The following BHLHE40 variants were observed in gnomAD, a reference collection of about 807,000 sequenced individuals.
The protein encoded by BHLHE40 is class E basic helix-loop-helix protein 40.
In BHLHE40, 3 loss-of-function variants were observed where a neutral mutation model predicts 35.7. That is an observed-to-expected ratio of 0.08 (90% CI 0.04 to 0.22). The LOEUF (loss-of-function observed/expected upper bound fraction) is 0.22, where lower values mean the gene tolerates loss of function less well. Ranked by LOEUF, BHLHE40 falls within the 10% of genes least tolerant of loss-of-function variation. BHLHE40 has a pLI of 1.00. For synonymous variants in BHLHE40, 236 were observed against 213.0 expected, an observed-to-expected ratio of 1.11 and a Z score of -0.94; for missense variants, 486 against 524.0, an observed-to-expected ratio of 0.93 and a Z score of 0.71.
At chr3:4,980,765 T>TTTG (rs1011431516) in intron 3 of BHLHE40, among the ~76,000 whole-genome samples, 1 of 152,114 alleles carries the variant, frequency 6.6e-6, no homozygotes, top group African/African-American at 2.4e-5. Context: ...CCCCACCTTT[T>TTTG]TTGTTGTTGT....
intron 1 of BHLHE40, 36 bp from the exon 2 acceptor site, chr3:4,979,926 A>G (rs1335858811): frequency 6.2e-7 from 1 of 1,611,804 alleles, no homozygotes; most frequent in Non-Finnish European, 8.5e-7. Flanking sequence ...GCCGTGCGCA[A>G]GCAGTCACGA....
chr3:4,979,618 A>C lies in BHLHE40; in HGVS notation c.-101A>C. Reference sequence around the variant, plus strand: ...TTTCAAAGAGCTCAGACTCAGAGGAACATCTGCGGAGAGACCCCCGAAGCC... The same window carrying C: ...TTTCAAAGAGCTCAGACTCAGAGGACCATCTGCGGAGAGACCCCCGAAGCC... On this transcript the variant is annotated 5_prime_UTR_variant, in exon 1 of 5. Coordinates refer to ENST00000256495, the MANE Select transcript of BHLHE40 (RefSeq NM_003670.3). 3 of 1,202,504 alleles carry C rather than the reference A, an allele frequency of 2.5e-6. No individual in the cohort carries two copies. Among genetic ancestry groups the C allele is most frequent in the South Asian group, 1.4e-5 (1 of 71,046 alleles). 74.5% of individuals were successfully genotyped at this position (1,202,504 alleles called of 1,614,324 possible).
At position 4,985,030 on chromosome 3, in the gene BHLHE40, ATAAT is replaced by A. The variant is rs1466760541; in HGVS notation, c.*1340_*1343del. On this transcript the variant is annotated 3_prime_UTR_variant, in exon 5 of 5. Transcript: ENST00000256495. ...TGTATTCCTGTTTTTGAAGAGAAGA[ATAAT>A]TTTTTTTTTCTCTAGGGAGAGGTAC... is the stretch of plus-strand genomic sequence containing the variant. 1.3e-5 allele frequency: 2 copies of A among 152,518 alleles called. No homozygotes were observed. Among genetic ancestry groups the A allele is most frequent in the African/African-American group, 4.8e-5 (2 of 41,432 alleles). 9.4% of individuals were successfully genotyped at this position (152,518 alleles called of 1,614,324 possible).
At position 4,984,836 on chromosome 3, in the gene BHLHE40, T is replaced by A. The variant is rs1212108876; in HGVS notation, c.*1144T>A. On this transcript the variant is annotated 3_prime_UTR_variant, in exon 5 of 5. Coordinates refer to ENST00000256495, the MANE Select transcript of BHLHE40 (RefSeq NM_003670.3). ...CTTTTCAAAATGCACTATGCCTGAT[T>A]GCTGATCGTGTTTTAACTTTTTCTT... 1 of 152,654 alleles carries A rather than the reference T, an allele frequency of 6.6e-6. No homozygotes were observed. The highest frequency in any genetic ancestry group is 1.9e-4 in the East Asian group (1 of 5,208). 9.5% of individuals were successfully genotyped at this position (152,654 alleles called of 1,614,324 possible).
chr3:4,979,919 G>T (rs200308998), intron 1 of BHLHE40, 43 bp from the exon 2 acceptor site: 7 of 1,611,472 alleles, frequency 4.3e-6, no homozygotes, highest in African/African-American at 1.3e-5. Context: ...GCCTGCAGCC[G>T]TGCGCAAGCA....
rs2053224290 is a variant in BHLHE40, at chr3:4,983,857, T to TGTGTAG, written c.*168_*169insTAGGTG. On this transcript the variant is annotated 3_prime_UTR_variant, in exon 5 of 5. Transcript: ENST00000256495. This position sits in a 1 kb window ranked among gnomAD's most constrained non-coding sequence, Gnocchi z 5.0. Reference sequence around the variant, plus strand: ...GTGTGTGTGTGTGTGTGTGTGTGTATGTGCGTGTGCGTGCACATGTGTGCC... The same window carrying TGTGTAG: ...GTGTGTGTGTGTGTGTGTGTGTGTATGTGTAGGTGCGTGTGCGTGCACATGTGTGCC... The TGTGTAG allele has an allele frequency of 2.0e-5, 19 of 947,364 alleles. No homozygotes were observed. The South Asian group carries it at 3.2e-4, about 16-fold the overall frequency. The allele number at this position is 947,364 out of a possible 1,614,324, so 58.7% of individuals were successfully genotyped here.
chr3:4,983,850 G>GTGTGTGTGTA lies in BHLHE40; in HGVS notation c.*163_*164insGTGTATGTGT, dbSNP rs1553562125. 1,000 of 957,612 alleles carry GTGTGTGTGTA rather than the reference G, an allele frequency of 1.0e-3. 6 individuals carry two copies. In the African/African-American group the frequency reaches 0.013, roughly 13 times the overall value. 59.3% of individuals were successfully genotyped at this position (957,612 alleles called of 1,614,324 possible). On this transcript the variant is annotated 3_prime_UTR_variant, in exon 5 of 5. Coordinates refer to ENST00000256495, the MANE Select transcript of BHLHE40 (RefSeq NM_003670.3). The surrounding 1 kb of genome is among the most constrained non-coding windows in gnomAD (Gnocchi z 5.0). ...TCAGGGTGTGTGTGTGTGTGTGTGT[G>GTGTGTGTGTA]TGTGTATGTGCGTGTGCGTGCACAT...
At position 4,983,241 on chromosome 3, in the gene BHLHE40, G is replaced by C. The variant is rs781556992; in HGVS notation, c.788G>C (p.Ser263Thr). The change falls in exon 5 of 5, where the codon AGT becomes ACT. Residue 263 changes from serine to threonine, a missense_variant. By Grantham distance (58) the Ser-to-Thr change is moderately conservative. This residue lies in a region of BHLHE40 where 206 missense variants were observed against 208.9 expected (regional missense o/e 0.99). Coordinates refer to ENST00000256495, the MANE Select transcript of BHLHE40 (RefSeq NM_003670.3). The surrounding 1 kb of genome is among the most constrained non-coding windows in gnomAD (Gnocchi z 5.0). ...CGCAGTGAGCAGCCGTGCTTCAAAA[G>C]TGACCACGGACGCAGGTTCACGATG... is the stretch of plus-strand genomic sequence containing the variant. ...DLRSEQPCFK[S>T]DHGRRFTMGE... The C allele has an allele frequency of 5.6e-6, 9 of 1,614,096 alleles. No individual in the cohort carries two copies. The highest frequency in any genetic ancestry group is 7.6e-6 in the Non-Finnish European group (9 of 1,180,050).
intron 1 of BHLHE40, 40 bp from the exon 2 acceptor site, chr3:4,979,922 C>A (rs2053176152): frequency 1.9e-6 from 3 of 1,610,326 alleles, no homozygotes; most frequent in Admixed American, 1.7e-5. Flanking sequence ...TGCAGCCGTG[C>A]GCAAGCAGTC....
intron 3 of BHLHE40, 75 bp downstream of exon 3, chr3:4,980,483 T>G: frequency 9.5e-5 from 111 of 1,172,022 alleles, no homozygotes; most frequent in Non-Finnish European, 1.2e-4. Context: ...CGCCTGCAGG[T>G]TCCGCGGGGA....
intron 4 of BHLHE40, chr3:4,981,760 C>A: frequency 2.3e-6 from 1 of 427,372 alleles, no homozygotes; most frequent in Non-Finnish European, 4.1e-6. Context: ...TTGAGAGTCT[C>A]TGGGTTCTGG....
At position 4,979,524 on chromosome 3, in the gene BHLHE40, G is replaced by C. The variant is rs2053169462; in HGVS notation, c.-195G>C. The C allele has an allele frequency of 6.4e-6, 4 of 624,098 alleles. No homozygotes were observed. Among genetic ancestry groups the C allele is most frequent in the Non-Finnish European group, 8.4e-6 (3 of 358,426 alleles). The allele number at this position is 624,098 out of a possible 1,614,324, so 38.7% of individuals were successfully genotyped here. On this transcript the variant is annotated 5_prime_UTR_variant, in exon 1 of 5. Transcript: ENST00000256495. ...CTGAGTCGGAGCCAGAGGCCGCGGG[G>C]ACACCGGGCCATGCACGCCCCCAAC... is the stretch of plus-strand genomic sequence containing the variant.
chr3:4,980,795 C>T lies in BHLHE40; in HGVS notation c.258+387C>T, dbSNP rs539020235. On this transcript the variant is annotated intron_variant, in intron 3 of 4. Coordinates refer to ENST00000256495, the MANE Select transcript of BHLHE40 (RefSeq NM_003670.3). ...TGTTGTTGTCAAATAAGGGGACTTG[C>T]TTTGGTGTGTGATTTTTACGGCCTG... Among the ~76,000 whole-genome samples the T allele has an allele frequency of 1.8e-4, 28 of 151,972 alleles. No individual in the cohort carries two copies. The South Asian group carries it at 2.5e-3, about 14-fold the overall frequency.
rs935899217 is a variant in BHLHE40, at chr3:4,983,337, C to G, written c.884C>G (p.Ser295Trp). 6.2e-7 allele frequency: 1 copy of G among 1,614,188 alleles called. No individual in the cohort carries two copies. The highest frequency in any genetic ancestry group is 8.5e-7 in the Non-Finnish European group (1 of 1,180,040). Residue 295 changes from serine (S) to tryptophan (W), a missense_variant, in exon 5 of 5, where the codon TCG becomes TGG. Coordinates refer to ENST00000256495, the MANE Select transcript of BHLHE40 (RefSeq NM_003670.3). This position sits in a 1 kb window ranked among gnomAD's most constrained non-coding sequence, Gnocchi z 5.0. ...ACAAAAAAGAACCGGATGCAGCTTT[C>G]GGATGATGAAGGCCATTTCACTAGC... ...PPTKKNRMQLSDDEGHFTSSD... is the reference protein window; with the variant it reads ...PPTKKNRMQLWDDEGHFTSSD...
chr3:4,983,041 C>G lies in BHLHE40; in HGVS notation c.588C>G (p.Pro196=). Residue 196 remains proline (P), a synonymous_variant, in exon 5 of 5, where the codon CCC becomes CCG. Coordinates refer to ENST00000256495, the MANE Select transcript of BHLHE40 (RefSeq NM_003670.3). The surrounding 1 kb of genome is among the most constrained non-coding windows in gnomAD (Gnocchi z 5.0). ...GTSRKPSDPA[P]KVMDFKEKPS... is the part of the protein sequence containing the mutation. ...CCAGGAAGCCATCAGACCCAGCTCCCAAAGTGATGGACTTCAAGGAAAAAC... is the reference window on the plus strand; with the variant it reads ...CCAGGAAGCCATCAGACCCAGCTCCGAAAGTGATGGACTTCAAGGAAAAAC... 1 of 1,614,118 alleles carries G rather than the reference C, an allele frequency of 6.2e-7. No individual in the cohort carries two copies. The highest frequency in any genetic ancestry group is 8.5e-7 in the Non-Finnish European group (1 of 1,180,010).
Position 4,983,799 on chromosome 3 carries a change from G to C in BHLHE40, c.*107G>C. 5 of 1,399,694 alleles carry C rather than the reference G, an allele frequency of 3.6e-6. No homozygotes were observed. Among genetic ancestry groups the C allele is most frequent in the Non-Finnish European group, 4.8e-6 (5 of 1,040,776 alleles). 86.7% of individuals were successfully genotyped at this position (1,399,694 alleles called of 1,614,324 possible). On this transcript the variant is annotated 3_prime_UTR_variant, in exon 5 of 5. Transcript: ENST00000256495. The surrounding 1 kb of genome is among the most constrained non-coding windows in gnomAD (Gnocchi z 5.0). ...AAGATTGTTGCATTGTGTATACTGA[G>C]ATAATCTGAGGCATGGAGAGCAGAT...
In BHLHE40 at chr3:4,982,817, C is replaced by T. The variant is rs371023207; in HGVS notation, c.383-19C>T. On this transcript the variant is annotated intron_variant, in intron 4 of 4. Coordinates refer to ENST00000256495, the MANE Select transcript of BHLHE40 (RefSeq NM_003670.3). Reference sequence around the variant, plus strand: ...ACAGGCCTTCTGAAACGTTTTCCTTCGGATTTTTCTTTCCCCAGGTGAGCT... The same window carrying T: ...ACAGGCCTTCTGAAACGTTTTCCTTTGGATTTTTCTTTCCCCAGGTGAGCT... 7.5e-5 allele frequency: 121 copies of T among 1,613,234 alleles called. No individual in the cohort carries two copies. The highest frequency in any genetic ancestry group is 1.3e-4 in the Admixed American group (8 of 59,922).
At chr3:4,981,271 C>G (rs1367796892) in intron 3 of BHLHE40, 121 bp from the exon 4 acceptor site, 1 of 1,261,286 alleles carries the variant, frequency 7.9e-7, no homozygotes, top group East Asian at 2.5e-5. Context: ...AGACTTAAAA[C>G]AGCCAACCAG....
Position 4,979,692 on chromosome 3 carries a change from C to A in BHLHE40, c.-27C>A, listed in dbSNP as rs2053171982. ...GACGCTCCGCTAGTGCAGACAGGAG[C>A]GCGCAGTGGCCCCGGCTCGCCGCGC... On this transcript the variant is annotated 5_prime_UTR_variant, in exon 1 of 5. Coordinates refer to ENST00000256495, the MANE Select transcript of BHLHE40 (RefSeq NM_003670.3). The A allele has an allele frequency of 6.5e-7, 1 of 1,549,968 alleles. No individual in the cohort carries two copies. The highest frequency in any genetic ancestry group is 1.2e-5 in the South Asian group (1 of 84,030).
Sources: allele counts gnomAD v4.1 joint callset (sites outside exome capture counted in the v4.1 genomes callset), GRCh38; gene constraint gnomAD v4.1.1; regional missense constraint gnomAD v4.1.1; non-coding constraint Gnocchi (gnomAD v3.1); transcripts MANE v1.5; gene names NCBI Gene and HGNC (gene_info 2026-07-23, HGNC 2026-07-21).